Variants in AAK1 observed in about 807,000 individuals in gnomAD.
AAK1 encodes AP2 associated kinase 1.
AAK1 carries 37 observed loss-of-function variants against 116.0 expected under a neutral mutation model. The observed-to-expected ratio is 0.32, with a 90% confidence interval of 0.25 to 0.42. The LOEUF (loss-of-function observed/expected upper bound fraction) is 0.42. AAK1 is among the 10% of genes least tolerant of loss of function. The pLI, the probability that AAK1 is intolerant of heterozygous loss-of-function variation, is 1.00. For synonymous variants in AAK1, 458 were observed against 439.9 expected (o/e 1.04, Z -0.51); for missense variants, 919 against 1,170.6 (o/e 0.79, Z 3.14).
At chr2:69,573,177 T>A (rs972712859) in intron 2 of AAK1, among the ~76,000 whole-genome samples, 2 of 152,108 alleles carry the variant, frequency 1.3e-5, no homozygotes, top group African/African-American at 2.4e-5. Flanking sequence ...GGGTCTTCCA[T>A]AACCAGAGTC....
intron 5 of AAK1, among the ~76,000 whole-genome samples, chr2:69,541,895 G>A (rs1670738996): frequency 6.6e-6 from 1 of 152,190 alleles, no homozygotes. Context: ...GTCCTTCCTA[G>A]TTATATGACT....
In AAK1 at chr2:69,468,269, A is replaced by T. The variant is rs552478209; in HGVS notation, c.*7600T>A. On this transcript the variant is annotated 3_prime_UTR_variant, in exon 22 of 22. Coordinates refer to ENST00000409085, the MANE Select transcript of AAK1 (RefSeq NM_014911.5). ...TAATCCTAATTTCTCAGGCAAGTAA[A>T]TTGATATTAGATTTGTCTCAGTGAT... 1.0e-6 allele frequency: 1 copy of T among 985,360 alleles called. No homozygotes were observed. Among genetic ancestry groups the T allele is most frequent in the South Asian group, 4.7e-5 (1 of 21,286 alleles). The allele number at this position is 985,360 out of a possible 1,614,324, so 61.0% of individuals were successfully genotyped here. A position where few individuals can be genotyped will look rare whatever the true frequency, so the allele number is the denominator to read the frequency against.
At position 69,466,765 on chromosome 2, in the gene AAK1, C is replaced by T. The variant is rs1408163200; in HGVS notation, c.*9104G>A. The T allele has an allele frequency of 3.6e-5, 35 of 985,176 alleles. No homozygotes were observed. The highest frequency in any genetic ancestry group is 5.2e-4 in the Middle Eastern group (1 of 1,936). The allele number at this position is 985,176 out of a possible 1,614,324, so 61.0% of individuals were successfully genotyped here. On this transcript the variant is annotated 3_prime_UTR_variant, in exon 22 of 22. Coordinates refer to ENST00000409085, the MANE Select transcript of AAK1 (RefSeq NM_014911.5). ...CTCACGTTTTGGAACATGATAGGCA[C>T]GACGTACAGGAAAGGAGATGAAGAT...
rs574490585 is a variant in AAK1, at chr2:69,493,158, C to CAAAAAAAAAAAAAAA, written c.2365+2812_2365+2826dup. Among the ~76,000 whole-genome samples the CAAAAAAAAAAAAAAA allele has an allele frequency of 7.0e-3, 262 of 37,528 alleles. 29 individuals carry two copies. Among genetic ancestry groups the CAAAAAAAAAAAAAAA allele is most frequent in the South Asian group, 0.014 (10 of 734 alleles). 24.6% of individuals were successfully genotyped at this position (37,528 alleles called of 152,430 possible). A position where few individuals can be genotyped will look rare whatever the true frequency, so the allele number is the denominator to read the frequency against. Reference sequence around the variant, plus strand: ...TGGGCGACAGAGCGAGACTCCGTCTCAAAAAAAAAAAAAAAAAAAGGATGC... The same window carrying CAAAAAAAAAAAAAAA: ...TGGGCGACAGAGCGAGACTCCGTCTCAAAAAAAAAAAAAAAAAAAAAAAAAAAAAAAAAAGGATGC... On this transcript the variant is annotated intron_variant, in intron 17 of 21. Transcript: ENST00000409085.
chr2:69,471,961 A>T lies in AAK1; in HGVS notation c.*3908T>A. 1 of 985,428 alleles carries T rather than the reference A, an allele frequency of 1.0e-6. No homozygotes were observed. The highest frequency in any genetic ancestry group is 1.7e-5 in the African/African-American group (1 of 57,382). 61.0% of individuals were successfully genotyped at this position (985,428 alleles called of 1,614,324 possible). On this transcript the variant is annotated 3_prime_UTR_variant, in exon 22 of 22. Coordinates refer to ENST00000409085, the MANE Select transcript of AAK1 (RefSeq NM_014911.5). The stretch of plus-strand genomic sequence containing the variant: ...CGTTTCTTGGGTTTGTTTTTCCACA[A>T]GTATTAGCAATCCAAGTTGTGTAAT...
At position 69,468,662 on chromosome 2, in the gene AAK1, C is replaced by T. The variant is rs1318841682; in HGVS notation, c.*7207G>A. 5.1e-6 allele frequency: 5 copies of T among 985,386 alleles called. No individual in the cohort carries two copies. In the East Asian group the frequency reaches 4.5e-4, roughly 89 times the overall value. The allele number at this position is 985,386 out of a possible 1,614,324, so 61.0% of individuals were successfully genotyped here. A position where few individuals can be genotyped will look rare whatever the true frequency, so the allele number is the denominator to read the frequency against. ...GTTTTTTGGAAATTTAAACTGAATT[C>T]AGTTAAAACAATTTGTGCACAGAGA... On this transcript the variant is annotated 3_prime_UTR_variant, in exon 22 of 22. Coordinates refer to ENST00000409085, the MANE Select transcript of AAK1 (RefSeq NM_014911.5).
intron 5 of AAK1, among the ~76,000 whole-genome samples, chr2:69,536,988 C>T (rs1158056071): frequency 1.3e-5 from 2 of 152,212 alleles, no homozygotes; most frequent in African/African-American, 2.4e-5. Flanking sequence ...ACCCTTTCTT[C>T]TCCTTTCTTA....
At chr2:69,553,383 A>G (rs1671255576) in intron 3 of AAK1, among the ~76,000 whole-genome samples, 1 of 150,564 alleles carries the variant, frequency 6.6e-6, no homozygotes, top group African/African-American at 2.4e-5. Flanking sequence ...AGAATTCTGT[A>G]CTCAAACTAT....
chr2:69,465,904 TGAG>T lies in AAK1; in HGVS notation c.*9962_*9964del. 2.3e-6 allele frequency: 3 copies of T among 1,290,860 alleles called. No homozygotes were observed. Among genetic ancestry groups the T allele is most frequent in the South Asian group, 1.2e-5 (1 of 81,014 alleles). The allele number at this position is 1,290,860 out of a possible 1,614,324, so 80.0% of individuals were successfully genotyped here. A position where few individuals can be genotyped will look rare whatever the true frequency, so the allele number is the denominator to read the frequency against. ...GGCAGGGGGACATCACCTGTCTGAC[TGAG>T]GAGACCGGTCTGTGCAGGCAGCTCC... On this transcript the variant is annotated 3_prime_UTR_variant, in exon 22 of 22. Coordinates refer to ENST00000409085, the MANE Select transcript of AAK1 (RefSeq NM_014911.5).
At chr2:69,563,029 A>C (rs546928333) in intron 2 of AAK1, among the ~76,000 whole-genome samples, 9 of 152,144 alleles carry the variant, frequency 5.9e-5, no homozygotes, top group Non-Finnish European at 1.0e-4. Context: ...GCACCACTGC[A>C]CTCCAGCCTG....
At chr2:69,577,017 A>T (rs758538792) in intron 2 of AAK1, among the ~76,000 whole-genome samples, 1 of 152,210 alleles carries the variant, frequency 6.6e-6, no homozygotes, top group Non-Finnish European at 1.5e-5. Context: ...CACATCCAAA[A>T]ACAGCACTAT....
chr2:69,554,771 T>C (rs1671321007), intron 3 of AAK1, among the ~76,000 whole-genome samples: 1 of 152,248 alleles, frequency 6.6e-6, no homozygotes, highest in Admixed American at 6.5e-5. Context: ...GGGGAATTGC[T>C]TGACGTTTTT....
At position 69,472,938 on chromosome 2, in the gene AAK1, A is replaced by G. The variant is rs1674728961; in HGVS notation, c.*2931T>C. The G allele has an allele frequency of 1.0e-6, 1 of 985,628 alleles. No homozygotes were observed. The highest frequency in any genetic ancestry group is 1.2e-6 in the Non-Finnish European group (1 of 829,676). 61.1% of individuals were successfully genotyped at this position (985,628 alleles called of 1,614,324 possible). Reference sequence around the variant, plus strand: ...AAGAGCAAGTTAGTAAAAGCCCATTATAATTCTTTAAAATGTAAACACTGC... The same window carrying G: ...AAGAGCAAGTTAGTAAAAGCCCATTGTAATTCTTTAAAATGTAAACACTGC... On this transcript the variant is annotated 3_prime_UTR_variant, in exon 22 of 22. Transcript: ENST00000409085.
chr2:69,513,024 T>C (rs1164055012), intron 13 of AAK1, among the ~76,000 whole-genome samples: 1 of 152,234 alleles, frequency 6.6e-6, no homozygotes, highest in Non-Finnish European at 1.5e-5. Context: ...ATGAGGAGGC[T>C]GAACTGAATA....
At chr2:69,522,773 C>T (rs565267505) in intron 10 of AAK1, among the ~76,000 whole-genome samples, 34 of 150,602 alleles carry the variant, frequency 2.3e-4, no homozygotes, top group African/African-American at 8.1e-4. Flanking sequence ...CACTGCACTC[C>T]ACCCTGGGTG....
At chr2:69,519,728 T>C (rs2104996647) in intron 11 of AAK1, among the ~76,000 whole-genome samples, 1 of 152,318 alleles carries the variant, frequency 6.6e-6, no homozygotes, top group Non-Finnish European at 1.5e-5. Context: ...TTTGGATCAA[T>C]CCTTTTTATG....
chr2:69,636,098 A>C (rs568939198), intron 2 of AAK1, among the ~76,000 whole-genome samples: 26 of 152,358 alleles, frequency 1.7e-4, no homozygotes, highest in South Asian at 1.7e-3. Context: ...ACACTGAGAT[A>C]TACTATAGTT....
chr2:69,601,739 T>C (rs1265066190), intron 2 of AAK1, among the ~76,000 whole-genome samples: 2 of 152,244 alleles, frequency 1.3e-5, no homozygotes, highest in Admixed American at 6.5e-5. Flanking sequence ...GGCTTCATTT[T>C]AGCTCCAAGG....
chr2:69,531,990 A>C, intron 6 of AAK1, 51 bp downstream of exon 6: 2 of 1,605,542 alleles, frequency 1.2e-6, no homozygotes, highest in Non-Finnish European at 8.5e-7. Flanking sequence ...CTGAAGGTAA[A>C]GTTGCTCATC....
Sources: gnomAD v4.1 joint callset for allele counts (sites outside exome capture counted in the v4.1 genomes callset) on GRCh38, gnomAD v4.1.1 for gene constraint, MANE v1.5 for transcripts, NCBI Gene and HGNC (gene_info 2026-07-23, HGNC 2026-07-21) for gene names.